SEMA3A: variants seen among roughly 807,000 people sequenced by gnomAD.
SEMA3A encodes semaphorin 3A, also known as semaphorin-3A.
In SEMA3A, 29 loss-of-function variants were observed where a neutral mutation model predicts 97.9. That is an observed-to-expected ratio of 0.30 (90% CI 0.22 to 0.40). SEMA3A has a LOEUF of 0.40. Among genes scored for constraint, SEMA3A ranks in the 10% least tolerant of loss-of-function variants. The probability of loss-of-function intolerance (pLI) is 1.00; values close to 1 mark genes in which losing one functional copy is unlikely to be tolerated. For synonymous variants in SEMA3A, 321 were observed against 323.7 expected (o/e 0.99, Z 0.09); for missense variants, 763 against 951.3 (o/e 0.80, Z 2.60).
At position 83,957,587 on chromosome 7, in the gene SEMA3A, C is replaced by A. The variant is rs866155804; in HGVS notation, c.*3784G>T. The A allele has an allele frequency of 3.7e-4, 56 of 152,184 alleles. 1 individual carries two copies. Among genetic ancestry groups the A allele is most frequent in the African/African-American group, 1.3e-3 (55 of 41,542 alleles). The allele number at this position is 152,184 out of a possible 1,614,324, so 9.4% of individuals were successfully genotyped here. A position where few individuals can be genotyped will look rare whatever the true frequency, so the allele number is the denominator to read the frequency against. On this transcript the variant is annotated 3_prime_UTR_variant, in exon 17 of 17. Coordinates refer to ENST00000265362, the MANE Select transcript of SEMA3A (RefSeq NM_006080.3). ...ACTGTCCTTACTATATGGGCTGTCA[C>A]ATATGCTGATTTTATTCTCTCTTTC...
intron 1 of SEMA3A, among the ~76,000 whole-genome samples, chr7:84,440,786 T>C (rs1805252608): frequency 6.6e-6 from 1 of 152,146 alleles, no homozygotes; most frequent in Non-Finnish European, 1.5e-5. Context: ...TCTTTTCTAG[T>C]TATGTTATTA....
chr7:84,051,039 G>A (rs199680489), intron 5 of SEMA3A, among the ~76,000 whole-genome samples: 2 of 150,758 alleles, frequency 1.3e-5, no homozygotes, highest in South Asian at 2.1e-4. Context: ...GCATTATTTC[G>A]GAGGGCTCTG....
At chr7:83,976,528 G>C (rs547012901) in intron 15 of SEMA3A, among the ~76,000 whole-genome samples, 14 of 151,940 alleles carry the variant, frequency 9.2e-5, no homozygotes, top group African/African-American at 3.4e-4. Flanking sequence ...TTTAAGTGAA[G>C]GTTGGTTGAT....
At chr7:84,427,649 CAAAA>C (rs55872394) in intron 1 of SEMA3A, among the ~76,000 whole-genome samples, 1 of 73,002 alleles carries the variant, frequency 1.4e-5, no homozygotes, top group African/African-American at 5.9e-5. Context: ...GATTCTGTCT[CAAAA>C]AAAAAAAAAA....
intron 1 of SEMA3A, among the ~76,000 whole-genome samples, chr7:84,154,758 G>A (rs10262294): frequency 6.6e-6 from 1 of 150,402 alleles, no homozygotes; most frequent in Admixed American, 6.6e-5. Context: ...ATCTGTTTCA[G>A]ATGAATTTAT....
chr7:84,091,525 A>G (rs1056213142), intron 4 of SEMA3A, among the ~76,000 whole-genome samples: 1 of 152,168 alleles, frequency 6.6e-6, no homozygotes, highest in African/African-American at 2.4e-5. Flanking sequence ...GAGATTTAGA[A>G]TGATAAATAT....
In SEMA3A at chr7:83,981,386, G is replaced by A. The variant is rs781780991; in HGVS notation, c.1587C>T (p.Leu529=). 24 of 1,613,852 alleles carry A rather than the reference G, an allele frequency of 1.5e-5. No individual in the cohort carries two copies. The South Asian group carries it at 1.5e-4, about 10-fold the overall frequency. The change falls in exon 14 of 17, where the codon CTC becomes CTT. Residue 529 remains leucine (L), a synonymous_variant. Transcript: ENST00000265362. ...IYGKACAECC[L]ARDPYCAWDG... ...CCCAAGCACAGTAAGGGTCTCGGGC[G>A]AGGCAACACTCAGCACACGCTTTCC...
intron 3 of SEMA3A, among the ~76,000 whole-genome samples, chr7:84,209,048 T>C (rs1426012831): frequency 2.0e-5 from 3 of 152,194 alleles, no homozygotes; most frequent in Non-Finnish European, 4.4e-5. Context: ...AATACTTGCA[T>C]TTTAGAATCT....
intron 3 of SEMA3A, among the ~76,000 whole-genome samples, chr7:84,256,406 C>G (rs1468246058): frequency 6.6e-6 from 1 of 151,940 alleles, no homozygotes; most frequent in East Asian, 1.9e-4. Flanking sequence ...ACTTAGAGAT[C>G]CTTTGGACAT....
chr7:83,969,794 A>G (rs1207028372), intron 15 of SEMA3A, among the ~76,000 whole-genome samples: 7 of 152,186 alleles, frequency 4.6e-5, no homozygotes, highest in Non-Finnish European at 1.0e-4. Flanking sequence ...CTACTCCAAA[A>G]TCAAAAATTC....
intron 1 of SEMA3A, among the ~76,000 whole-genome samples, chr7:84,375,278 C>T (rs1037310294): frequency 3.9e-5 from 6 of 152,104 alleles, no homozygotes; most frequent in African/African-American, 1.4e-4. Flanking sequence ...CCTTGGCCTC[C>T]AAAAGTGCTG....
At chr7:84,333,418 A>G (rs1801952356) in intron 2 of SEMA3A, among the ~76,000 whole-genome samples, 2 of 152,100 alleles carry the variant, frequency 1.3e-5, no homozygotes, top group Admixed American at 6.6e-5. Flanking sequence ...CTCATCATTT[A>G]CTTCTTTACC....
At chr7:84,265,832 C>A (rs756245168) in intron 3 of SEMA3A, among the ~76,000 whole-genome samples, 2 of 151,802 alleles carry the variant, frequency 1.3e-5, no homozygotes, top group African/African-American at 4.8e-5. Flanking sequence ...GCTTAGATGA[C>A]GCCAAACTAT....
chr7:84,110,231 G>A (rs1224633085), intron 4 of SEMA3A, among the ~76,000 whole-genome samples: 1 of 152,148 alleles, frequency 6.6e-6, no homozygotes, highest in Non-Finnish European at 1.5e-5. Context: ...ATTGGACTCT[G>A]TAATCCAGGG....
intron 3 of SEMA3A, among the ~76,000 whole-genome samples, chr7:84,283,301 G>C (rs544421581): frequency 6.6e-6 from 1 of 151,890 alleles, no homozygotes; most frequent in Admixed American, 6.6e-5. Flanking sequence ...ATCAATACAC[G>C]CGTGTGTTAA....
At chr7:84,318,449 A>G (rs1215567689) in intron 2 of SEMA3A, among the ~76,000 whole-genome samples, 9 of 148,436 alleles carry the variant, frequency 6.1e-5, no homozygotes, top group African/African-American at 1.7e-4. Flanking sequence ...CAGCCTCCCA[A>G]GTAGCTGGGA....
At chr7:84,257,023 C>T (rs115678083) in intron 3 of SEMA3A, among the ~76,000 whole-genome samples, 353 of 151,792 alleles carry the variant, frequency 2.3e-3, no homozygotes, top group African/African-American at 8.5e-3. Context: ...TAGACAGCTT[C>T]GATGGTTGAA....
At chr7:84,027,157 G>A (rs558328708) in intron 6 of SEMA3A, among the ~76,000 whole-genome samples, 10 of 152,102 alleles carry the variant, frequency 6.6e-5, no homozygotes, top group African/African-American at 1.7e-4. Flanking sequence ...CATTGACTAA[G>A]CAAATTCAGA....
chr7:84,312,510 T>G (rs1436883975), intron 2 of SEMA3A, among the ~76,000 whole-genome samples: 1 of 151,694 alleles, frequency 6.6e-6, no homozygotes, highest in African/African-American at 2.4e-5. Context: ...CTTAAATGTT[T>G]GAGTTTATTC....
Sources: allele counts gnomAD v4.1 joint callset (sites outside exome capture counted in the v4.1 genomes callset), GRCh38; gene constraint gnomAD v4.1.1; transcripts MANE v1.5; gene names NCBI Gene and HGNC (gene_info 2026-07-23, HGNC 2026-07-21).